CHRDL1: variants seen among roughly 807,000 people sequenced by gnomAD.
The protein encoded by CHRDL1 is chordin like 1.
In CHRDL1, 19 loss-of-function variants were observed where a neutral mutation model predicts 40.9. The observed-to-expected ratio is 0.46, with a 90% confidence interval of 0.32 to 0.68. The LOEUF is 0.68. Ranked by LOEUF, CHRDL1 falls within the 30% of genes least tolerant of loss-of-function variation. The pLI is 0.03. For missense variants in CHRDL1, 329 were observed against 352.1 expected, an observed-to-expected ratio of 0.93 and a Z score of 0.53; for synonymous variants, 136 against 123.4, an observed-to-expected ratio of 1.10 and a Z score of -0.68.
In CHRDL1 at chrX:110,674,157, A is replaced by G. The variant is rs1169747688; in HGVS notation, c.*2074T>C. On this transcript the variant is annotated 3_prime_UTR_variant, in exon 12 of 12. Transcript: ENST00000372042. Reference sequence around the variant, plus strand: ...TACCCTATGTCCTATTCTCTACACAACACCAAACACTGGAGGGTTTCTACT... The same window carrying G: ...TACCCTATGTCCTATTCTCTACACAGCACCAAACACTGGAGGGTTTCTACT... 2 of 111,386 alleles carry G rather than the reference A, an allele frequency of 1.8e-5. No homozygotes were observed. The highest frequency in any genetic ancestry group is 6.5e-5 in the African/African-American group (2 of 30,613). 9.2% of individuals were successfully genotyped at this position (111,386 alleles called of 1,213,427 possible).
intron 2 of CHRDL1, among the ~76,000 whole-genome samples, chrX:110,768,038 A>G (rs974182338): frequency 8.9e-6 from 1 of 112,148 alleles, no homozygotes; most frequent in Non-Finnish European, 1.9e-5. Flanking sequence ...TACAATGATA[A>G]AGGGAGCATA....
At chrX:110,689,536 C>CTA (rs2070136188) in intron 8 of CHRDL1, among the ~76,000 whole-genome samples, 1 of 44,318 alleles carries the variant, frequency 2.3e-5, no homozygotes, top group African/African-American at 2.4e-4. Context: ...ATCTATATAT[C>CTA]TCTATATCTC....
chrX:110,713,181 T>C (rs1440314153), intron 6 of CHRDL1, among the ~76,000 whole-genome samples: 1 of 111,528 alleles, frequency 9.0e-6, no homozygotes, highest in African/African-American at 3.3e-5. Flanking sequence ...ATTATTGGCT[T>C]TTATAACAAC....
intron 2 of CHRDL1, among the ~76,000 whole-genome samples, chrX:110,771,224 T>A: frequency 9.0e-6 from 1 of 111,363 alleles, no homozygotes. Context: ...AAAACTTTCT[T>A]ACAAAGAAAA....
chrX:110,693,068 G>A (rs1026062490), intron 8 of CHRDL1, among the ~76,000 whole-genome samples: 9 of 111,166 alleles, frequency 8.1e-5, no homozygotes, highest in African/African-American at 2.6e-4. Context: ...TTGCTCCAAC[G>A]AGCTGGTTGA....
At chrX:110,743,676 A>G in intron 4 of CHRDL1, among the ~76,000 whole-genome samples, 1 of 111,985 alleles carries the variant, frequency 8.9e-6, no homozygotes, top group Non-Finnish European at 1.9e-5. Flanking sequence ...TGAAAAAATT[A>G]TCCAATGTAA....
At chrX:110,682,788 C>T (rs2069929101) in intron 9 of CHRDL1, among the ~76,000 whole-genome samples, 1 of 112,247 alleles carries the variant, frequency 8.9e-6, no homozygotes, top group Non-Finnish European at 1.9e-5. Context: ...CCATAGTCTT[C>T]TCTTGATTCC....
At chrX:110,720,703 G>A (rs2070935441) in intron 5 of CHRDL1, among the ~76,000 whole-genome samples, 1 of 111,745 alleles carries the variant, frequency 8.9e-6, no homozygotes, top group Non-Finnish European at 1.9e-5. Context: ...GCCACTTGCA[G>A]GCAGAAAAGT....
At chrX:110,697,767 G>A (rs113730370) in intron 7 of CHRDL1, among the ~76,000 whole-genome samples, 2,295 of 99,191 alleles carry the variant, frequency 0.023, 36 homozygotes, top group Non-Finnish European at 0.038. Context: ...TCATGTTTTG[G>A]CTTTCTAGTC....
At chrX:110,744,915 C>A (rs2071422553) in intron 4 of CHRDL1, among the ~76,000 whole-genome samples, 2 of 109,353 alleles carry the variant, frequency 1.8e-5, no homozygotes, top group South Asian at 8.2e-4. Context: ...CACAACAGTC[C>A]TTTGAGATAG....
At chrX:110,693,284 C>A (rs1163911091) in intron 8 of CHRDL1, among the ~76,000 whole-genome samples, 1 of 111,589 alleles carries the variant, frequency 9.0e-6, no homozygotes, top group Non-Finnish European at 1.9e-5. Flanking sequence ...TCAGTCTTAA[C>A]CTGATCAGTC....
chrX:110,734,176 TTCAA>T (rs2148480205), intron 4 of CHRDL1, among the ~76,000 whole-genome samples: 1 of 110,849 alleles, frequency 9.0e-6, no homozygotes, highest in East Asian at 2.8e-4. Context: ...GGTCTGTGGG[TTCAA>T]TCAGATTCTC....
intron 8 of CHRDL1, among the ~76,000 whole-genome samples, chrX:110,690,349 CAT>C (rs762877001): frequency 9.3e-6 from 1 of 107,051 alleles, no homozygotes; most frequent in African/African-American, 3.4e-5. Context: ...CGCCCAGCCA[CAT>C]ATATATATAT....
At chrX:110,680,223 G>T (rs942534196) in intron 10 of CHRDL1, among the ~76,000 whole-genome samples, 7 of 111,735 alleles carry the variant, frequency 6.3e-5, no homozygotes, top group African/African-American at 2.3e-4. Context: ...ACCTCTGAGA[G>T]GCGAAAGATG....
chrX:110,721,458 T>G lies in CHRDL1; in HGVS notation c.374A>C (p.His125Pro), dbSNP rs1480966409. 3 of 1,207,245 alleles carry G rather than the reference T, an allele frequency of 2.5e-6. No homozygotes were observed. Among genetic ancestry groups the G allele is most frequent in the South Asian group, 3.5e-5 (2 of 56,876 alleles). The change falls in exon 5 of 12, where the codon CAT (histidine) becomes CCT (proline). Residue 125 changes from histidine to proline, a missense_variant. Transcript: ENST00000372042. ...SCEYNGTTYQ[H>P]GELFVAEGLF... ...CCCTTCAGCTACGAACAGCTCTCCA[T>G]GTTGGTAAGTTGTCCCATTGTACTC...
chrX:110,772,377 G>T (rs992538307), intron 2 of CHRDL1, among the ~76,000 whole-genome samples: 13 of 113,095 alleles, frequency 1.1e-4, no homozygotes, highest in Non-Finnish European at 1.9e-4. Context: ...GGTGGCTCAT[G>T]CCTGTAATCC....
At chrX:110,792,301 A>G (rs1303507952) in intron 1 of CHRDL1, 86 bp from the exon 2 acceptor site, 4 of 422,518 alleles carry the variant, frequency 9.5e-6, no homozygotes, top group Non-Finnish European at 1.6e-5. Flanking sequence ...CTAACCTGCT[A>G]GAATAAAAAA....
chrX:110,707,378 C>CT (rs911525683), intron 6 of CHRDL1, among the ~76,000 whole-genome samples: 2 of 111,850 alleles, frequency 1.8e-5, no homozygotes, highest in Admixed American at 1.9e-4. Context: ...ATCACACTAT[C>CT]TGACTTCAAA....
At chrX:110,734,248 G>A (rs1376370840) in intron 4 of CHRDL1, among the ~76,000 whole-genome samples, 3 of 111,769 alleles carry the variant, frequency 2.7e-5, no homozygotes, top group Non-Finnish European at 5.6e-5. Context: ...CAGGGGGGCT[G>A]AGGATTTCAC....
Sources: allele counts gnomAD v4.1 joint callset (sites outside exome capture counted in the v4.1 genomes callset), GRCh38; gene constraint gnomAD v4.1.1; transcripts MANE v1.5; gene names NCBI Gene and HGNC (gene_info 2026-07-23, HGNC 2026-07-21).